ENTREP2: variants seen among roughly 807,000 people sequenced by gnomAD.
ENTREP2 encodes the protein protein ENTREP2.
chr15:29,254,459 G>T, the ENTREP2 span, among the ~76,000 whole-genome samples: 1 of 152,168 alleles, frequency 6.6e-6, no homozygotes, highest in South Asian at 2.1e-4. Flanking sequence ...TTGCTTATAT[G>T]TGTGCAGTGT....
chr15:29,251,184 G>A, the ENTREP2 span, among the ~76,000 whole-genome samples: 1 of 152,202 alleles, frequency 6.6e-6, no homozygotes, highest in East Asian at 1.9e-4. Flanking sequence ...AGCAGGCAGA[G>A]GGCAACTGTG....
At chr15:29,564,600 T>C in the ENTREP2 span, among the ~76,000 whole-genome samples, 1 of 152,218 alleles carries the variant, frequency 6.6e-6, no homozygotes, top group Admixed American at 6.5e-5. Flanking sequence ...GCCAGAAGCC[T>C]GGGAGCCCCT....
chr15:29,304,590 CACCA>C, the ENTREP2 span, among the ~76,000 whole-genome samples: 1 of 152,208 alleles, frequency 6.6e-6, no homozygotes, highest in African/African-American at 2.4e-5. Flanking sequence ...GCTCTCAACT[CACCA>C]ACCAGAGTGG....
chr15:29,494,044 A>G, the ENTREP2 span, among the ~76,000 whole-genome samples: 35 of 152,172 alleles, frequency 2.3e-4, no homozygotes, highest in Admixed American at 2.6e-4. Context: ...ATTACTATTC[A>G]ATATTTAATG....
chr15:29,231,821 G>A, the ENTREP2 span, among the ~76,000 whole-genome samples: 1 of 151,188 alleles, frequency 6.6e-6, no homozygotes, highest in South Asian at 2.1e-4. Context: ...GTCATCTCAG[G>A]TCCATAAAGA....
the ENTREP2 span, among the ~76,000 whole-genome samples, chr15:29,335,730 C>T: frequency 7.4e-6 from 1 of 134,784 alleles, no homozygotes; most frequent in African/African-American, 3.6e-5. Context: ...TAAGACAGTC[C>T]CCACAGAACC....
chr15:29,346,229 C>T, the ENTREP2 span, among the ~76,000 whole-genome samples: 2 of 152,134 alleles, frequency 1.3e-5, no homozygotes, highest in Non-Finnish European at 2.9e-5. Flanking sequence ...AGACAAACGC[C>T]GAGGCAGAAG....
the ENTREP2 span, among the ~76,000 whole-genome samples, chr15:29,462,947 A>C: frequency 1.6e-4 from 24 of 152,314 alleles, no homozygotes; most frequent in African/African-American, 5.5e-4. Flanking sequence ...TCCAGTTAAT[A>C]GTGATAACTC....
At chr15:29,457,922 A>G in the ENTREP2 span, among the ~76,000 whole-genome samples, 3 of 152,162 alleles carry the variant, frequency 2.0e-5, no homozygotes, top group Non-Finnish European at 4.4e-5. Context: ...ACCCGAACCA[A>G]GAGGACCAGC....
chr15:29,667,575 C>A, the ENTREP2 span, among the ~76,000 whole-genome samples: 16 of 140,420 alleles, frequency 1.1e-4, no homozygotes, highest in African/African-American at 4.3e-4. Flanking sequence ...CTCACTGCAA[C>A]CTCTGCCTCC....
the ENTREP2 span, among the ~76,000 whole-genome samples, chr15:29,637,761 A>G: frequency 2.6e-5 from 4 of 152,204 alleles, no homozygotes; most frequent in Non-Finnish European, 4.4e-5. Flanking sequence ...AGACCTTGCC[A>G]GTTGCAGGAG....
At chr15:29,380,090 T>C in the ENTREP2 span, among the ~76,000 whole-genome samples, 1 of 151,952 alleles carries the variant, frequency 6.6e-6, no homozygotes, top group Non-Finnish European at 1.5e-5. Context: ...GGGGAGATAG[T>C]GACAAAACAA....
the ENTREP2 span, among the ~76,000 whole-genome samples, chr15:29,173,664 G>C: frequency 6.6e-6 from 1 of 152,098 alleles, no homozygotes; most frequent in Non-Finnish European, 1.5e-5. Flanking sequence ...GCACCTCGGA[G>C]GGTTGGGGCA....
chr15:29,486,206 A>G, the ENTREP2 span, among the ~76,000 whole-genome samples: 1 of 152,118 alleles, frequency 6.6e-6, no homozygotes, highest in Non-Finnish European at 1.5e-5. Flanking sequence ...ACAATAGAGT[A>G]CTATTCACAC....
At chr15:29,268,882 G>A in the ENTREP2 span, 1 of 1,614,070 alleles carries the variant, frequency 6.2e-7, no homozygotes, top group Admixed American at 1.7e-5. Flanking sequence ...CCAGTCCTTG[G>A]GGTCTTGATT....
the ENTREP2 span, among the ~76,000 whole-genome samples, chr15:29,659,376 C>T: frequency 7.9e-5 from 12 of 152,210 alleles, no homozygotes; most frequent in Admixed American, 3.9e-4. Context: ...GAGGCTGAGG[C>T]GGAAGAGTTG....
At chr15:29,130,779 T>C in the ENTREP2 span, among the ~76,000 whole-genome samples, 6 of 152,206 alleles carry the variant, frequency 3.9e-5, no homozygotes, top group African/African-American at 1.4e-4. Context: ...GAAGCCACCT[T>C]GCCACGCTAA....
chr15:29,609,607 T>C, the ENTREP2 span: 27 of 149,694 alleles, frequency 1.8e-4, 4 homozygotes, highest in East Asian at 5.5e-3. Flanking sequence ...ATCTGTTTAT[T>C]ATAGATTGCC....
chr15:29,514,287 G>A, the ENTREP2 span, among the ~76,000 whole-genome samples: 2 of 152,086 alleles, frequency 1.3e-5, no homozygotes, highest in East Asian at 1.9e-4. Flanking sequence ...TAGGTGCCTC[G>A]TATGAGTGGA....
Sources: allele counts gnomAD v4.1 joint callset (sites outside exome capture counted in the v4.1 genomes callset), GRCh38; gene constraint gnomAD v4.1.1; transcripts MANE v1.5; gene names NCBI Gene and HGNC (gene_info 2026-07-23, HGNC 2026-07-21).